FOXK1: variants seen among roughly 807,000 people sequenced by gnomAD.
FOXK1 encodes the protein forkhead box K1, also known as forkhead box protein K1.
A neutral mutation model predicts 51.9 loss-of-function variants in FOXK1; 19 were observed. The observed-to-expected ratio is 0.37, with a 90% CI of 0.26 to 0.54. The LOEUF (loss-of-function observed/expected upper bound fraction) is 0.54, where lower values mean the gene tolerates loss of function less well. FOXK1 is among the 20% of genes least tolerant of loss of function. The pLI, the probability that FOXK1 is intolerant of heterozygous loss-of-function variation, is 0.87. For synonymous variants in FOXK1, 537 were observed against 482.6 expected (o/e 1.11, Z -1.48); for missense variants, 870 against 1,032.7 (o/e 0.84, Z 2.16).
At chr7:4,721,884 C>T (rs1471697259) in intron 1 of FOXK1, among the ~76,000 whole-genome samples, 2 of 152,190 alleles carry the variant, frequency 1.3e-5, no homozygotes. Context: ...AGCCACCACG[C>T]CCGGCCTGTT....
At chr7:4,746,860 C>T (rs1253590974) in intron 2 of FOXK1, among the ~76,000 whole-genome samples, 1 of 152,200 alleles carries the variant, frequency 6.6e-6, no homozygotes, top group Non-Finnish European at 1.5e-5. Context: ...GGTCCCTCTT[C>T]CCTTGTCTGC....
chr7:4,728,856 G>A (rs1377496870), intron 1 of FOXK1, among the ~76,000 whole-genome samples: 1 of 152,068 alleles, frequency 6.6e-6, no homozygotes, highest in Admixed American at 6.6e-5. Flanking sequence ...AACAGTCTTA[G>A]AGGACGCAAA....
chr7:4,754,714 G>C (rs1780820814), intron 3 of FOXK1, 99 bp downstream of exon 3: 1 of 1,400,438 alleles, frequency 7.1e-7, no homozygotes, highest in African/African-American at 1.4e-5. Flanking sequence ...CTGCGGGCGT[G>C]TGCTCGAGGT....
chr7:4,761,949 C>T lies in FOXK1; in HGVS notation c.1922-235C>T, dbSNP rs187511515. On this transcript the variant is annotated intron_variant, in intron 8 of 8. Coordinates refer to ENST00000328914, the MANE Select transcript of FOXK1 (RefSeq NM_001037165.2). This position sits in a 1 kb window ranked among gnomAD's most constrained non-coding sequence, Gnocchi z 6.2. ...CCGTCGATGTCCAGCAGGATCTAGA[C>T]AGCAATGAGAGGGGCCTCCACCCAA... 6.6e-6 allele frequency among the ~76,000 whole-genome samples: 1 copy of T among 152,020 alleles called. No homozygotes were observed. Among genetic ancestry groups the T allele is most frequent in the Non-Finnish European group, 1.5e-5 (1 of 67,992 alleles).
intron 1 of FOXK1, among the ~76,000 whole-genome samples, chr7:4,700,095 C>A (rs1462016504): frequency 6.6e-6 from 1 of 152,212 alleles, no homozygotes; most frequent in Non-Finnish European, 1.5e-5. Flanking sequence ...TTCCCCGGTG[C>A]CTGGCTGAGC....
Position 4,735,323 on chromosome 7 carries a change from T to TG in FOXK1, c.561-5512dup, listed in dbSNP as rs1163696061. Among the ~76,000 whole-genome samples, 1 of 152,206 alleles carries TG rather than the reference T, an allele frequency of 6.6e-6. No individual in the cohort carries two copies. Among genetic ancestry groups the TG allele is most frequent in the Non-Finnish European group, 1.5e-5 (1 of 68,040 alleles). On this transcript the variant is annotated intron_variant, in intron 1 of 8. Coordinates refer to ENST00000328914, the MANE Select transcript of FOXK1 (RefSeq NM_001037165.2). The surrounding 1 kb of genome is among the most constrained non-coding windows in gnomAD (Gnocchi z 4.7). ...AGTAGACCCTCAGTGTGGGAGCTTT[T>TG]GGGCAAGAATTCTCCCCAAAAACAG...
intron 1 of FOXK1, among the ~76,000 whole-genome samples, chr7:4,705,475 C>G (rs1459053593): frequency 1.3e-5 from 2 of 151,150 alleles, no homozygotes; most frequent in Non-Finnish European, 2.9e-5. Flanking sequence ...AGCAATCATG[C>G]CTGGCCTTAA....
intron 1 of FOXK1, among the ~76,000 whole-genome samples, chr7:4,688,266 T>TAAA (rs34515938): frequency 1.5e-5 from 2 of 135,538 alleles, no homozygotes; most frequent in Admixed American, 7.5e-5. Context: ...TAAGAATTCT[T>TAAA]AAAAAAAAAA....
intron 1 of FOXK1, among the ~76,000 whole-genome samples, chr7:4,684,608 TA>T (rs1259349960): frequency 6.6e-6 from 1 of 152,148 alleles, no homozygotes; most frequent in African/African-American, 2.4e-5. Flanking sequence ...TTGGGGCCAT[TA>T]AATGCATTTC....
At chr7:4,728,730 GA>G (rs67143977) in intron 1 of FOXK1, among the ~76,000 whole-genome samples, 1,050 of 103,894 alleles carry the variant, frequency 0.01, 9 homozygotes, top group African/African-American at 0.029. Flanking sequence ...GTCTCTTTTT[GA>G]AAAAAAAAAA....
At chr7:4,742,801 C>T (rs937236043) in intron 2 of FOXK1, among the ~76,000 whole-genome samples, 24 of 152,220 alleles carry the variant, frequency 1.6e-4, no homozygotes, top group African/African-American at 5.8e-4. Flanking sequence ...GGGCACAGCT[C>T]CTCTACCCTG....
intron 1 of FOXK1, among the ~76,000 whole-genome samples, chr7:4,691,730 G>C (rs759870474): frequency 1.5e-4 from 23 of 152,190 alleles, no homozygotes; most frequent in Non-Finnish European, 2.9e-4. Context: ...TCTTCCATCT[G>C]TTTCCTCAGA....
At chr7:4,741,329 T>TG (rs1780631320) in intron 2 of FOXK1, among the ~76,000 whole-genome samples, 3 of 152,102 alleles carry the variant, frequency 2.0e-5, no homozygotes, top group Non-Finnish European at 4.4e-5. Flanking sequence ...AAATGTTTTT[T>TG]TTTTGTTTGT....
chr7:4,721,626 T>C (rs1434643967), intron 1 of FOXK1, among the ~76,000 whole-genome samples: 3 of 144,780 alleles, frequency 2.1e-5, no homozygotes, highest in Non-Finnish European at 4.5e-5. Flanking sequence ...AGTCTTGTTG[T>C]GTCACCCAGG....
Position 4,762,065 on chromosome 7 carries a change from G to A in FOXK1, c.1922-119G>A. 2 of 1,208,182 alleles carry A rather than the reference G, an allele frequency of 1.7e-6. No individual in the cohort carries two copies. The highest frequency in any genetic ancestry group is 2.3e-6 in the Non-Finnish European group (2 of 874,222). The allele number at this position is 1,208,182 out of a possible 1,614,324, so 74.8% of individuals were successfully genotyped here. A position where few individuals can be genotyped will look rare whatever the true frequency, so the allele number is the denominator to read the frequency against. On this transcript the variant is annotated intron_variant, in intron 8 of 8. Coordinates refer to ENST00000328914, the MANE Select transcript of FOXK1 (RefSeq NM_001037165.2). This position sits in a 1 kb window ranked among gnomAD's most constrained non-coding sequence, Gnocchi z 5.7. ...AGAGCAAGGGTAGCCGTCCTGCCTG[G>A]CAGGGGTGCACTGACCTCCGGTTCC...
chr7:4,754,516 T>TGTGCAGA lies in FOXK1; in HGVS notation c.805_811dup (p.Asn271SerfsTer35). On this transcript the variant is annotated frameshift_variant, in exon 3 of 9. Coordinates refer to ENST00000328914, the MANE Select transcript of FOXK1 (RefSeq NM_001037165.2). LOFTEE classifies it high-confidence loss of function. ...GTGCCGGCTCCTCCAGTTACCGCTT[T>TGTGCAGA]GTGCAGAACGTGACCTCGGACCTGC... 6.2e-7 allele frequency: 1 copy of TGTGCAGA among 1,612,954 alleles called. No individual in the cohort carries two copies.
intron 1 of FOXK1, among the ~76,000 whole-genome samples, chr7:4,705,078 C>T (rs1346442993): frequency 2.0e-5 from 3 of 152,070 alleles, no homozygotes; most frequent in South Asian, 4.1e-4. Flanking sequence ...GTGATCTGCC[C>T]GCAGCAGCCT....
In FOXK1 at chr7:4,755,484, G is replaced by A; in HGVS notation, c.1050+101G>A. 2 of 1,488,478 alleles carry A rather than the reference G, an allele frequency of 1.3e-6. No individual in the cohort carries two copies. The highest frequency in any genetic ancestry group is 9.1e-7 in the Non-Finnish European group (1 of 1,101,786). The allele number at this position is 1,488,478 out of a possible 1,614,324, so 92.2% of individuals were successfully genotyped here. A position where few individuals can be genotyped will look rare whatever the true frequency, so the allele number is the denominator to read the frequency against. ...TTAAAACAGAAGAGGGCCAGTGAGG[G>A]GGCTCACGCCTGGAACCCTAGCATT... On this transcript the variant is annotated intron_variant, in intron 4 of 8. Coordinates refer to ENST00000328914, the MANE Select transcript of FOXK1 (RefSeq NM_001037165.2). The surrounding 1 kb of genome is among the most constrained non-coding windows in gnomAD (Gnocchi z 6.6).
intron 1 of FOXK1, among the ~76,000 whole-genome samples, chr7:4,732,519 C>T (rs950400766): frequency 6.6e-6 from 1 of 152,150 alleles, no homozygotes; most frequent in Non-Finnish European, 1.5e-5. Context: ...ATCTCGAACT[C>T]CTAGGGTCAA....
Sources: allele counts gnomAD v4.1 joint callset (sites outside exome capture counted in the v4.1 genomes callset), GRCh38; gene constraint gnomAD v4.1.1; non-coding constraint Gnocchi (gnomAD v3.1); transcripts MANE v1.5; gene names NCBI Gene and HGNC (gene_info 2026-07-23, HGNC 2026-07-21).